ANTXR2: variants seen among roughly 807,000 people sequenced by gnomAD.
ANTXR2 encodes ANTXR cell adhesion molecule 2, also known as anthrax toxin receptor 2.
A neutral mutation model predicts 73.7 loss-of-function variants in ANTXR2; 44 were observed. The observed-to-expected ratio is 0.60, with a 90% CI of 0.47 to 0.77. The LOEUF (loss-of-function observed/expected upper bound fraction) is 0.77. Among genes scored for constraint, ANTXR2 ranks in the 30% least tolerant of loss-of-function variants. The pLI, the probability that ANTXR2 is intolerant of heterozygous loss-of-function variation, is 0.00. For missense variants in ANTXR2, 604 were observed against 592.5 expected, an observed-to-expected ratio of 1.02 and a Z score of -0.20; for synonymous variants, 217 against 205.9, an observed-to-expected ratio of 1.05 and a Z score of -0.46.
intron 16 of ANTXR2, among the ~76,000 whole-genome samples, chr4:79,956,616 T>C (rs1728895880): frequency 6.6e-6 from 1 of 152,116 alleles, no homozygotes; most frequent in Non-Finnish European, 1.5e-5. Flanking sequence ...TAAGACATAG[T>C]AGGTGCTCAG....
intron 16 of ANTXR2, among the ~76,000 whole-genome samples, chr4:79,908,238 T>G (rs1726996665): frequency 6.6e-6 from 1 of 152,172 alleles, no homozygotes; most frequent in Non-Finnish European, 1.5e-5. Flanking sequence ...CATTCCCAGA[T>G]TCCTCAACCA....
chr4:80,019,666 A>T (rs1357232292), intron 10 of ANTXR2, among the ~76,000 whole-genome samples: 2 of 152,198 alleles, frequency 1.3e-5, no homozygotes, highest in Non-Finnish European at 2.9e-5. Flanking sequence ...TAAACCAGTC[A>T]AAAATAAAAT....
chr4:79,990,383 C>CAAAAAAAAAAAAA (rs70944757), intron 12 of ANTXR2, among the ~76,000 whole-genome samples: 55 of 76,836 alleles, frequency 7.2e-4, no homozygotes, highest in Non-Finnish European at 1.1e-3. Context: ...ACAACAGTTA[C>CAAAAAAAAAAAAA]AAAAAAAAAA....
chr4:79,958,963 A>G (rs1233056522), intron 16 of ANTXR2, among the ~76,000 whole-genome samples: 1 of 152,168 alleles, frequency 6.6e-6, no homozygotes, highest in African/African-American at 2.4e-5. Flanking sequence ...GCTAGGACAA[A>G]TACAGATCTC....
At chr4:79,947,387 G>A (rs550871314) in intron 16 of ANTXR2, among the ~76,000 whole-genome samples, 5 of 152,178 alleles carry the variant, frequency 3.3e-5, no homozygotes, top group African/African-American at 1.2e-4. Flanking sequence ...AACAAGGATT[G>A]GTTTGGCATG....
rs1726784101 is a variant in ANTXR2, at chr4:79,903,392, A to G, written c.*4037T>C. ...TCTCTCACACACACACACACAATTT[A>G]CCTTAATATAGTTATTGTAGAGCAA... On this transcript the variant is annotated 3_prime_UTR_variant, in exon 17 of 17. Coordinates refer to ENST00000403729, the MANE Select transcript of ANTXR2 (RefSeq NM_058172.6). The G allele has an allele frequency of 6.6e-6, 1 of 151,638 alleles. No individual in the cohort carries two copies. Among genetic ancestry groups the G allele is most frequent in the Admixed American group, 6.6e-5 (1 of 15,174 alleles). The allele number at this position is 151,638 out of a possible 1,614,324, so 9.4% of individuals were successfully genotyped here.
At chr4:79,966,798 A>C (rs1388888563) in intron 16 of ANTXR2, among the ~76,000 whole-genome samples, 1 of 152,162 alleles carries the variant, frequency 6.6e-6, no homozygotes, top group Non-Finnish European at 1.5e-5. Context: ...AATCACTGAA[A>C]TATTTACCAT....
chr4:79,993,754 A>ACACGCG (rs1208804424), intron 12 of ANTXR2, among the ~76,000 whole-genome samples: 2 of 114,952 alleles, frequency 1.7e-5, no homozygotes, highest in African/African-American at 7.6e-5. Flanking sequence ...CCACACACAC[A>ACACGCG]CACACGCACA....
rs1230311797 is a variant in ANTXR2, at chr4:80,033,513, C to T, written c.755G>A (p.Ser252Asn). 1.2e-6 allele frequency: 2 copies of T among 1,600,982 alleles called. No homozygotes were observed. The highest frequency in any genetic ancestry group is 2.3e-5 in the East Asian group (1 of 44,294). ...RGFMLGSRNG[S>N]VLCTYTVNET... ...ATTTACAGTGTAAGTGCAGAGAACA[C>T]TGCCATTCCGACTGCCCAGCATGAA... Residue 252 changes from serine to asparagine, a missense_variant, in exon 9 of 17, where the codon AGT (serine) becomes AAT (asparagine). Transcript: ENST00000403729.
intron 7 of ANTXR2, among the ~76,000 whole-genome samples, chr4:80,049,507 G>A (rs1733678066): frequency 6.6e-6 from 1 of 151,706 alleles, no homozygotes; most frequent in Non-Finnish European, 1.5e-5. Context: ...GAAAGAAAAT[G>A]AGGAAGCATA....
At chr4:79,911,648 T>C (rs1420173413) in intron 16 of ANTXR2, among the ~76,000 whole-genome samples, 1 of 151,968 alleles carries the variant, frequency 6.6e-6, no homozygotes, top group Non-Finnish European at 1.5e-5. Context: ...TATAATATTA[T>C]GCCTGTATTT....
chr4:79,999,630 T>G (rs1437060380), intron 12 of ANTXR2, among the ~76,000 whole-genome samples: 1 of 152,134 alleles, frequency 6.6e-6, no homozygotes, highest in Non-Finnish European at 1.5e-5. Context: ...TCAAATTTAT[T>G]TTTTAAAATA....
At chr4:79,914,286 A>C (rs1243290431) in intron 16 of ANTXR2, among the ~76,000 whole-genome samples, 2 of 152,130 alleles carry the variant, frequency 1.3e-5, no homozygotes, top group African/African-American at 4.8e-5. Flanking sequence ...TAGGAAGCTC[A>C]GATTTATAAG....
At chr4:80,011,357 C>G (rs1294644722) in intron 11 of ANTXR2, among the ~76,000 whole-genome samples, 1 of 151,964 alleles carries the variant, frequency 6.6e-6, no homozygotes, top group Admixed American at 6.6e-5. Flanking sequence ...TGTCTATCAT[C>G]TATCTATCTG....
At chr4:80,035,568 T>A (rs1429596288) in intron 8 of ANTXR2, among the ~76,000 whole-genome samples, 1 of 152,114 alleles carries the variant, frequency 6.6e-6, no homozygotes, top group Non-Finnish European at 1.5e-5. Context: ...ATAAGTCACT[T>A]CCTTATGTGC....
intron 11 of ANTXR2, among the ~76,000 whole-genome samples, chr4:80,009,682 A>G (rs1458717143): frequency 6.6e-6 from 1 of 151,980 alleles, no homozygotes; most frequent in Non-Finnish European, 1.5e-5. Flanking sequence ...CCCCATCTCT[A>G]CTAAAAATAC....
In ANTXR2 at chr4:80,055,346, A is replaced by C; in HGVS notation, c.486+14T>G. ...ACAGTGGGGTGTAGAGAACAGTCTCAGTTCAATACTCACCTCTTTCTCTGC... is the reference window on the plus strand; with the variant it reads ...ACAGTGGGGTGTAGAGAACAGTCTCCGTTCAATACTCACCTCTTTCTCTGC... On this transcript the variant is annotated intron_variant, in intron 5 of 16. Coordinates refer to ENST00000403729, the MANE Select transcript of ANTXR2 (RefSeq NM_058172.6). 1 of 1,600,180 alleles carries C rather than the reference A, an allele frequency of 6.2e-7. No homozygotes were observed. The highest frequency in any genetic ancestry group is 1.1e-5 in the South Asian group (1 of 90,304).
intron 16 of ANTXR2, among the ~76,000 whole-genome samples, chr4:79,955,612 TATC>T (rs1293512560): frequency 2.0e-5 from 3 of 152,192 alleles, no homozygotes; most frequent in East Asian, 3.9e-4. Flanking sequence ...ATAGGAAAAA[TATC>T]ATATTCATAG....
chr4:79,914,125 T>C (rs983997060), intron 16 of ANTXR2, among the ~76,000 whole-genome samples: 2 of 152,070 alleles, frequency 1.3e-5, no homozygotes, highest in African/African-American at 4.8e-5. Flanking sequence ...TTTTGGAAAA[T>C]TGCTATTAAG....
Sources: gnomAD v4.1 joint callset for allele counts (sites outside exome capture counted in the v4.1 genomes callset) on GRCh38, gnomAD v4.1.1 for gene constraint, MANE v1.5 for transcripts, NCBI Gene and HGNC (gene_info 2026-07-23, HGNC 2026-07-21) for gene names.